THSD7B: variants seen among roughly 807,000 people sequenced by gnomAD.
The protein encoded by THSD7B is thrombospondin type 1 domain containing 7B.
Under a neutral mutation model 213.6 loss-of-function variants are expected in THSD7B, and 138 were observed. The ratio of observed to expected loss-of-function variants is 0.65; its 90% confidence interval spans 0.56 to 0.74. THSD7B has a LOEUF of 0.74. THSD7B is among the 30% of genes least tolerant of loss of function. THSD7B has a pLI of 0.00. For synonymous variants in THSD7B, 742 were observed against 687.0 expected (o/e 1.08, Z -1.25); for missense variants, 1,931 against 1,991.5 (o/e 0.97, Z 0.58).
intron 2 of THSD7B, among the ~76,000 whole-genome samples, chr2:136,895,513 A>C (rs1446520429): frequency 4.5e-5 from 2 of 44,026 alleles, no homozygotes; most frequent in Non-Finnish European, 1.1e-4. Context: ...CCAAGTGGAG[A>C]CTTTTTTTTT....
intron 7 of THSD7B, among the ~76,000 whole-genome samples, chr2:137,222,726 G>T (rs1550084): frequency 6.6e-6 from 1 of 151,950 alleles, no homozygotes; most frequent in Non-Finnish European, 1.5e-5. Context: ...TCTGAAAGTC[G>T]GTAATTCATG....
intron 15 of THSD7B, among the ~76,000 whole-genome samples, chr2:137,458,433 A>G (rs1336419654): frequency 1.3e-5 from 2 of 152,128 alleles, no homozygotes; most frequent in East Asian, 3.9e-4. Flanking sequence ...AGTACTGATA[A>G]AGCCATGTTT....
At chr2:137,522,233 C>G (rs1156836021) in intron 15 of THSD7B, among the ~76,000 whole-genome samples, 2 of 152,124 alleles carry the variant, frequency 1.3e-5, no homozygotes, top group Admixed American at 6.5e-5. Context: ...TACCAGAGTC[C>G]CTTGTAGACT....
chr2:137,096,034 T>C (rs1688033463), intron 4 of THSD7B, among the ~76,000 whole-genome samples: 2 of 152,224 alleles, frequency 1.3e-5, no homozygotes, highest in South Asian at 2.1e-4. Context: ...ATATTGGTTA[T>C]ACCTATCCAA....
chr2:137,673,998 G>A (rs971004232), intron 27 of THSD7B, among the ~76,000 whole-genome samples: 1 of 152,170 alleles, frequency 6.6e-6, no homozygotes, highest in African/African-American at 2.4e-5. Context: ...CACAGTGTCC[G>A]TGATTCCAAA....
At position 136,954,725 on chromosome 2, in the gene THSD7B, A is replaced by AG. The variant is rs1034545038; in HGVS notation, c.139+72408_139+72409insG. The stretch of plus-strand genomic sequence containing the variant: ...GTGAGACTCTGTCTCAAAAAAAAAA[A>AG]AAAAAAAAAGAAATTACATAAGAGC... On this transcript the variant is annotated intron_variant, in intron 2 of 27. Transcript: ENST00000409968. Among the ~76,000 whole-genome samples the AG allele has an allele frequency of 8.6e-5, 13 of 150,660 alleles. 1 individual carries two copies. The highest frequency in any genetic ancestry group is 2.0e-4 in the Admixed American group (3 of 15,172).
At chr2:136,772,611 A>T (rs1041663444) in intron 1 of THSD7B, among the ~76,000 whole-genome samples, 3 of 152,128 alleles carry the variant, frequency 2.0e-5, no homozygotes, top group African/African-American at 7.2e-5. Context: ...AATGAATACA[A>T]AAAAGGGAAA....
intron 15 of THSD7B, among the ~76,000 whole-genome samples, chr2:137,493,122 C>CAAAAAA (rs376770053): frequency 2.9e-4 from 13 of 44,212 alleles, no homozygotes; most frequent in Admixed American, 1.2e-3. Context: ...CTCTCTCTCT[C>CAAAAAA]AAAAAAAAAA....
In THSD7B at chr2:136,884,193, G is replaced by A. The variant is rs147315387; in HGVS notation, c.139+1876G>A. On this transcript the variant is annotated intron_variant, in intron 2 of 27. Coordinates refer to ENST00000409968, the MANE Select transcript of THSD7B (RefSeq NM_001316349.2). ...AAAAGAAACAGCACATGCGAAGTCG[G>A]CAGTTGAGAAGAGTTTCATAGAAGG... is the stretch of plus-strand genomic sequence containing the variant. Among the ~76,000 whole-genome samples the A allele has an allele frequency of 2.6e-5, 4 of 152,266 alleles. No homozygotes were observed. In the East Asian group the frequency reaches 7.7e-4, roughly 29 times the overall value.
At chr2:136,889,854 C>T (rs917513413) in intron 2 of THSD7B, among the ~76,000 whole-genome samples, 1 of 152,160 alleles carries the variant, frequency 6.6e-6, no homozygotes, top group African/African-American at 2.4e-5. Flanking sequence ...GTTTCCTGTT[C>T]TGTTTCTCTT....
chr2:137,299,687 C>G lies in THSD7B; in HGVS notation c.2500+23661C>G, dbSNP rs930624208. Reference sequence around the variant, plus strand: ...TATTTTATTGAAAAACAACAATACACTGTTTTCACACTTTTAAAAATATTA... The same window carrying G: ...TATTTTATTGAAAAACAACAATACAGTGTTTTCACACTTTTAAAAATATTA... On this transcript the variant is annotated intron_variant, in intron 12 of 27. Coordinates refer to ENST00000409968, the MANE Select transcript of THSD7B (RefSeq NM_001316349.2). Among the ~76,000 whole-genome samples the G allele has an allele frequency of 2.0e-5, 3 of 152,044 alleles. No individual in the cohort carries two copies. In the East Asian group the frequency reaches 5.8e-4, roughly 29 times the overall value.
chr2:136,928,077 AG>A (rs1472992459), intron 2 of THSD7B, among the ~76,000 whole-genome samples: 1 of 152,158 alleles, frequency 6.6e-6, no homozygotes, highest in African/African-American at 2.4e-5. Flanking sequence ...CTTACAATGG[AG>A]TTACATCCTG....
At chr2:136,968,314 G>A (rs1685352826) in intron 2 of THSD7B, among the ~76,000 whole-genome samples, 1 of 152,028 alleles carries the variant, frequency 6.6e-6, no homozygotes, top group African/African-American at 2.4e-5. Flanking sequence ...TTGTTTATGT[G>A]TGTGGATTTA....
At chr2:137,404,472 T>TACAC (rs1274761285) in intron 12 of THSD7B, among the ~76,000 whole-genome samples, 22 of 56,782 alleles carry the variant, frequency 3.9e-4, no homozygotes, top group African/African-American at 1.4e-3. Flanking sequence ...TATATATATA[T>TACAC]ATACACACAC....
intron 2 of THSD7B, among the ~76,000 whole-genome samples, chr2:136,977,248 T>C (rs1159490056): frequency 6.6e-6 from 1 of 152,210 alleles, no homozygotes; most frequent in African/African-American, 2.4e-5. Flanking sequence ...TATAGTATTC[T>C]CTGATGGTTA....
At chr2:137,243,445 C>G (rs781115250) in intron 10 of THSD7B, among the ~76,000 whole-genome samples, 8 of 152,210 alleles carry the variant, frequency 5.3e-5, no homozygotes, top group Non-Finnish European at 1.0e-4. Flanking sequence ...TGAGTCTCAT[C>G]CACTGGTCCC....
At position 137,271,227 on chromosome 2, in the gene THSD7B, C is replaced by A. The variant is rs916058312; in HGVS notation, c.2267-1306C>A. ...CACTGCGCTCCTCCCTCTCTCCCAC[C>A]TTTCCCATGTGCTCACACCCAGAGC... On this transcript the variant is annotated intron_variant, in intron 10 of 27. Transcript: ENST00000409968. 5.9e-4 allele frequency among the ~76,000 whole-genome samples: 90 copies of A among 151,342 alleles called. 1 individual carries two copies. The highest frequency in any genetic ancestry group is 1.8e-3 in the African/African-American group (75 of 41,258).
intron 14 of THSD7B, among the ~76,000 whole-genome samples, chr2:137,428,617 T>A (rs1320230396): frequency 6.6e-6 from 1 of 152,150 alleles, no homozygotes; most frequent in Non-Finnish European, 1.5e-5. Flanking sequence ...ATTAAAAGAA[T>A]GATGTACTAA....
chr2:137,570,650 T>C (rs1241808030), intron 16 of THSD7B, among the ~76,000 whole-genome samples: 1 of 152,230 alleles, frequency 6.6e-6, no homozygotes, highest in Non-Finnish European at 1.5e-5. Context: ...ATTAAAGTGC[T>C]TATTTCTTAA....
Sources: allele counts gnomAD v4.1 joint callset (sites outside exome capture counted in the v4.1 genomes callset), GRCh38; gene constraint gnomAD v4.1.1; transcripts MANE v1.5; gene names NCBI Gene and HGNC (gene_info 2026-07-23, HGNC 2026-07-21).